The following SLC35F4 variants were observed in gnomAD, a reference collection of about 807,000 sequenced individuals.
SLC35F4 encodes chromosome 14 open reading frame 36.
In SLC35F4, 24 loss-of-function variants were observed where a neutral mutation model predicts 44.2. The ratio of observed to expected loss-of-function variants is 0.54; its 90% CI spans 0.39 to 0.76. SLC35F4 has a LOEUF of 0.76. SLC35F4 is among the 30% of genes least tolerant of loss of function. The pLI is 0.00. For missense variants in SLC35F4, 562 were observed against 586.1 expected, an observed-to-expected ratio of 0.96 and a Z score of 0.42; for synonymous variants, 238 against 223.6, an observed-to-expected ratio of 1.06 and a Z score of -0.57.
At chr14:57,949,627 G>A (rs1390600948) in intron 1 of SLC35F4, among the ~76,000 whole-genome samples, 1 of 152,108 alleles carries the variant, frequency 6.6e-6, no homozygotes, top group Non-Finnish European at 1.5e-5. Context: ...GGTTCTGTGA[G>A]ATTTAAGCTT....
At position 57,655,530 on chromosome 14, in the gene SLC35F4, G is replaced by A. The variant is rs112624543; in HGVS notation, c.104-61406C>T. Among the ~76,000 whole-genome samples the A allele has an allele frequency of 2.3e-3, 354 of 152,258 alleles. 2 individuals carry two copies. Among genetic ancestry groups the A allele is most frequent in the Middle Eastern group, 0.014 (4 of 294 alleles). Reference sequence around the variant, plus strand: ...CAATGAGGGGAGGACAGTTAGAGCTGCAGCAGGGGGTGTGTGGTGTCACTC... The same window carrying A: ...CAATGAGGGGAGGACAGTTAGAGCTACAGCAGGGGGTGTGTGGTGTCACTC... On this transcript the variant is annotated intron_variant, in intron 1 of 7. Transcript: ENST00000556826.
chr14:57,568,943 AGAG>A (rs2068344682), intron 6 of SLC35F4, among the ~76,000 whole-genome samples: 1 of 152,150 alleles, frequency 6.6e-6, no homozygotes, highest in Admixed American at 6.5e-5. Flanking sequence ...CTGCTTGGTG[AGAG>A]AAGAGCAGCC....
intron 1 of SLC35F4, among the ~76,000 whole-genome samples, chr14:57,715,289 G>A (rs981739717): frequency 6.6e-6 from 1 of 152,174 alleles, no homozygotes; most frequent in Admixed American, 6.5e-5. Context: ...ACCACAAGTT[G>A]AATAGGAAAG....
intron 1 of SLC35F4, among the ~76,000 whole-genome samples, chr14:57,701,291 T>C (rs901041969): frequency 3.9e-5 from 6 of 152,200 alleles, no homozygotes; most frequent in Non-Finnish European, 5.9e-5. Context: ...ATAACATGCA[T>C]GGAGCTGTCA....
chr14:57,669,363 C>A (rs2074430297), intron 1 of SLC35F4, among the ~76,000 whole-genome samples: 1 of 152,010 alleles, frequency 6.6e-6, no homozygotes, highest in Non-Finnish European at 1.5e-5. Context: ...ACTTCCAACA[C>A]TATGTTGAAT....
At chr14:57,682,923 C>G (rs1054490914) in intron 1 of SLC35F4, among the ~76,000 whole-genome samples, 8 of 152,138 alleles carry the variant, frequency 5.3e-5, no homozygotes, top group Non-Finnish European at 1.2e-4. Flanking sequence ...GGGCAACAGT[C>G]CAAACACTTC....
chr14:57,972,085 G>C (rs1881067902), downstream of SLC35F4, among the ~76,000 whole-genome samples: 1 of 149,980 alleles, frequency 6.7e-6, no homozygotes, highest in African/African-American at 2.4e-5. Context: ...ACAGCATGAG[G>C]TGGAAAAGAG....
At chr14:57,918,940 A>G (rs1889385791) in intron 1 of SLC35F4, among the ~76,000 whole-genome samples, 1 of 152,202 alleles carries the variant, frequency 6.6e-6, no homozygotes, top group African/African-American at 2.4e-5. Flanking sequence ...CCAAAAATTT[A>G]TATTTCCCCT....
chr14:57,900,764 G>A (rs1888983104), intron 1 of SLC35F4, among the ~76,000 whole-genome samples: 1 of 152,088 alleles, frequency 6.6e-6, no homozygotes, highest in African/African-American at 2.4e-5. Flanking sequence ...GAAAATTTTT[G>A]CAGTCTATCC....
intron 1 of SLC35F4, chr14:57,596,592 A>G (rs896631779): frequency 1.5e-5 from 6 of 413,392 alleles, no homozygotes; most frequent in African/African-American, 2.0e-5. Context: ...TCCATTTCCA[A>G]TCCCTTGGCA....
intron 1 of SLC35F4, among the ~76,000 whole-genome samples, chr14:57,624,222 C>A (rs955912474): frequency 6.6e-6 from 1 of 152,152 alleles, no homozygotes; most frequent in Admixed American, 6.5e-5. Context: ...AATTCCTGGA[C>A]ACATACACCC....
chr14:57,630,960 T>C, intron 1 of SLC35F4: 1 of 519,438 alleles, frequency 1.9e-6, no homozygotes, highest in Non-Finnish European at 2.5e-6. Flanking sequence ...AAGTATTTGG[T>C]GAAAAGATGT....
intron 1 of SLC35F4, among the ~76,000 whole-genome samples, chr14:57,902,958 T>C (rs1159022956): frequency 2.0e-5 from 3 of 152,216 alleles, no homozygotes; most frequent in Non-Finnish European, 4.4e-5. Flanking sequence ...GCTGACGTTT[T>C]TCTACCTCCT....
At chr14:57,895,994 T>C (rs568267900) in intron 1 of SLC35F4, among the ~76,000 whole-genome samples, 3 of 152,220 alleles carry the variant, frequency 2.0e-5, no homozygotes, top group East Asian at 1.9e-4. Flanking sequence ...AGCCATGCTT[T>C]AGATGCACAA....
At chr14:57,904,692 G>A (rs532293175) in intron 1 of SLC35F4, among the ~76,000 whole-genome samples, 24 of 152,204 alleles carry the variant, frequency 1.6e-4, no homozygotes, top group Non-Finnish European at 3.1e-4. Context: ...CCACAGCCCC[G>A]CTAGGTGGAT....
At chr14:57,688,634 C>T (rs777590076) in intron 1 of SLC35F4, among the ~76,000 whole-genome samples, 2 of 152,208 alleles carry the variant, frequency 1.3e-5, no homozygotes, top group South Asian at 2.1e-4. Context: ...GAAGTTGGTA[C>T]CATCTCTTAA....
intron 1 of SLC35F4, among the ~76,000 whole-genome samples, chr14:57,936,673 C>T (rs1889802093): frequency 6.6e-6 from 1 of 152,060 alleles, no homozygotes; most frequent in Non-Finnish European, 1.5e-5. Flanking sequence ...ATTATCTATC[C>T]CAAAATGTCA....
intron 1 of SLC35F4, among the ~76,000 whole-genome samples, chr14:57,810,226 TC>T (rs974408170): frequency 6.6e-6 from 1 of 151,958 alleles, no homozygotes; most frequent in Non-Finnish European, 1.5e-5. Flanking sequence ...AAATTCTTGC[TC>T]CCCCCACTAC....
intron 1 of SLC35F4, among the ~76,000 whole-genome samples, chr14:57,598,396 G>T (rs1317682774): frequency 6.6e-6 from 1 of 152,188 alleles, no homozygotes; most frequent in Non-Finnish European, 1.5e-5. Flanking sequence ...AAGAAGGAGT[G>T]GAGCTGAGAA....
Sources: gnomAD v4.1 joint callset for allele counts (sites outside exome capture counted in the v4.1 genomes callset) on GRCh38, gnomAD v4.1.1 for gene constraint, MANE v1.5 for transcripts, NCBI Gene and HGNC (gene_info 2026-07-23, HGNC 2026-07-21) for gene names.